Variants in ST3GAL1 observed in about 807,000 individuals in gnomAD.
ST3GAL1 encodes the protein ST3 beta-galactoside alpha-2,3-sialyltransferase 1, also known as CMP-N-acetylneuraminate-beta-galactosamide-alpha-2,3-sialyltransferase 1.
A neutral mutation model predicts 34.1 loss-of-function variants in ST3GAL1; 16 were observed. That is an observed-to-expected ratio of 0.47 (90% confidence interval 0.32 to 0.71). The LOEUF is 0.71. Ranked by LOEUF, ST3GAL1 falls within the 30% of genes least tolerant of loss-of-function variation. The pLI, the probability that ST3GAL1 is intolerant of heterozygous loss-of-function variation, is 0.04. For synonymous variants in ST3GAL1, 191 were observed against 184.7 expected, an observed-to-expected ratio of 1.03 and a Z score of -0.28; for missense variants, 353 against 447.4, an observed-to-expected ratio of 0.79 and a Z score of 1.90.
rs73361367 is a variant in ST3GAL1 at position 133,557,048 on chromosome 8, T to C, written c.-581-11122A>G. On this transcript the variant is annotated intron_variant, in intron 1 of 9. Coordinates refer to ENST00000522652, the MANE Select transcript of ST3GAL1 (RefSeq NM_173344.3). ...CCCAACCTGGGAGACCTTCAGGCAATGGCCAACCTCAGCGAGCCAGCCTTC... is the reference window on the plus strand; with the variant it reads ...CCCAACCTGGGAGACCTTCAGGCAACGGCCAACCTCAGCGAGCCAGCCTTC... 7.1e-3 allele frequency among the ~76,000 whole-genome samples: 1,086 copies of C among 152,242 alleles called. 12 individuals are homozygous for C. The highest frequency in any genetic ancestry group is 0.025 in the African/African-American group (1,026 of 41,550).
intron 5 of ST3GAL1, among the ~76,000 whole-genome samples, chr8:133,471,981 G>A (rs894902081): frequency 1.3e-5 from 2 of 151,990 alleles, no homozygotes; most frequent in East Asian, 3.9e-4. Context: ...AGAGAAGGCA[G>A]AGTCAGCATT....
At chr8:133,460,799 A>G (rs2130913614) in intron 9 of ST3GAL1, among the ~76,000 whole-genome samples, 1 of 152,288 alleles carries the variant, frequency 6.6e-6, no homozygotes, top group East Asian at 1.9e-4. Context: ...GGGTCTTGGA[A>G]AATGAGTACA....
At chr8:133,495,881 A>G (rs796473404) in intron 3 of ST3GAL1, among the ~76,000 whole-genome samples, 6 of 152,378 alleles carry the variant, frequency 3.9e-5, no homozygotes, top group African/African-American at 1.4e-4. Context: ...CTGGAGTTTA[A>G]CCAAATAGAG....
chr8:133,534,900 A>T (rs115418283), intron 2 of ST3GAL1, among the ~76,000 whole-genome samples: 3 of 152,218 alleles, frequency 2.0e-5, no homozygotes, highest in African/African-American at 7.2e-5. Context: ...TGTGAGTCCA[A>T]TGAAGAATAA....
rs142243486 is a variant in ST3GAL1, at chr8:133,504,383, T to C, written c.-428-5194A>G. 3.5e-3 allele frequency among the ~76,000 whole-genome samples: 537 copies of C among 152,354 alleles called. 18 individuals carry two copies. The highest frequency in any genetic ancestry group is 0.032 in the Admixed American group (485 of 15,300). On this transcript the variant is annotated intron_variant, in intron 2 of 9. Transcript: ENST00000522652. ...GTTTCTCTGCTCTTGTGGGTGGATTTACCAAAACTCAATCCAATCCAATCA... is the reference window on the plus strand; with the variant it reads ...GTTTCTCTGCTCTTGTGGGTGGATTCACCAAAACTCAATCCAATCCAATCA...
chr8:133,470,513 G>C (rs918336699), intron 5 of ST3GAL1, among the ~76,000 whole-genome samples: 6 of 152,104 alleles, frequency 3.9e-5, no homozygotes, highest in African/African-American at 1.4e-4. Flanking sequence ...TTCCAGACTA[G>C]TTTCCAAGTA....
chr8:133,494,507 TA>T (rs1816881392), intron 3 of ST3GAL1, among the ~76,000 whole-genome samples: 2 of 152,184 alleles, frequency 1.3e-5, no homozygotes, highest in African/African-American at 4.8e-5. Flanking sequence ...AGCAGCAGGA[TA>T]AAAGCAAATC....
chr8:133,471,884 C>T (rs980281370), intron 5 of ST3GAL1, among the ~76,000 whole-genome samples: 5 of 151,730 alleles, frequency 3.3e-5, no homozygotes, highest in South Asian at 2.1e-4. Context: ...GGGCAGGGGG[C>T]GGAAATCAGG....
chr8:133,484,083 C>A lies in ST3GAL1; in HGVS notation c.-373-7483G>T, dbSNP rs556683463. ...TTTTTGCATTGTTTTTTATAGTTTG[C>A]CAAAACAGTCACAGCTGCCATCCAT... On this transcript the variant is annotated intron_variant, in intron 3 of 9. Transcript: ENST00000522652. Among the ~76,000 whole-genome samples the A allele has an allele frequency of 3.9e-5, 6 of 152,254 alleles. No individual in the cohort carries two copies. In the South Asian group the frequency reaches 1.2e-3, roughly 32 times the overall value.
intron 2 of ST3GAL1, among the ~76,000 whole-genome samples, chr8:133,518,492 T>TA (rs1817708668): frequency 6.6e-6 from 1 of 152,234 alleles, no homozygotes. Context: ...AAAAGACTTT[T>TA]AAAAGGGCAT....
At chr8:133,554,418 C>A (rs1452870933) in intron 1 of ST3GAL1, among the ~76,000 whole-genome samples, 1 of 152,152 alleles carries the variant, frequency 6.6e-6, no homozygotes, top group African/African-American at 2.4e-5. Flanking sequence ...AAATCCTACA[C>A]TCGACAGTGG....
intron 3 of ST3GAL1, chr8:133,488,514 C>T (rs1292340442): frequency 6.6e-6 from 1 of 152,230 alleles, no homozygotes; most frequent in African/African-American, 2.4e-5. Context: ...GCCCTCTGGC[C>T]TGCCCACCAG....
intron 1 of ST3GAL1, among the ~76,000 whole-genome samples, chr8:133,568,387 T>C (rs1819470220): frequency 6.6e-6 from 1 of 152,152 alleles, no homozygotes; most frequent in African/African-American, 2.4e-5. Flanking sequence ...TCTCAGCTCC[T>C]CAGGTGTGCC....
At chr8:133,486,989 G>T (rs1028554476) in intron 3 of ST3GAL1, among the ~76,000 whole-genome samples, 1 of 152,198 alleles carries the variant, frequency 6.6e-6, no homozygotes, top group African/African-American at 2.4e-5. Context: ...TGTTGCCCAG[G>T]CTGGAGTGCA....
intron 3 of ST3GAL1, among the ~76,000 whole-genome samples, chr8:133,486,550 T>A (rs928507399): frequency 2.6e-5 from 4 of 152,120 alleles, no homozygotes; most frequent in African/African-American, 9.7e-5. Context: ...CCAGAAAACA[T>A]CATCCAAGAG....
chr8:133,486,723 G>T (rs1037809861), intron 3 of ST3GAL1, among the ~76,000 whole-genome samples: 1 of 152,188 alleles, frequency 6.6e-6, no homozygotes. Flanking sequence ...GCCAGCAACT[G>T]TGCTGCCCTG....
chr8:133,473,836 T>G (rs1422831477), intron 5 of ST3GAL1, among the ~76,000 whole-genome samples: 1 of 152,230 alleles, frequency 6.6e-6, no homozygotes, highest in East Asian at 1.9e-4. Context: ...GCAGCCCTTG[T>G]GACTAAGGCT....
chr8:133,536,422 T>C (rs1818313222), intron 2 of ST3GAL1, among the ~76,000 whole-genome samples: 1 of 152,194 alleles, frequency 6.6e-6, no homozygotes, highest in Non-Finnish European at 1.5e-5. Flanking sequence ...TGAGAAGGGA[T>C]CAATCTGTAG....
chr8:133,464,999 A>G, intron 6 of ST3GAL1, 42 bp from the exon 7 acceptor site: 2 of 1,573,570 alleles, frequency 1.3e-6, no homozygotes, highest in East Asian at 2.3e-5. Context: ...TAGCACGGGC[A>G]CCCGTTCTCA....
Sources: gnomAD v4.1 joint callset for allele counts (sites outside exome capture counted in the v4.1 genomes callset) on GRCh38, gnomAD v4.1.1 for gene constraint, MANE v1.5 for transcripts, NCBI Gene and HGNC (gene_info 2026-07-23, HGNC 2026-07-21) for gene names.